The following CCPG1 variants were observed in gnomAD, a reference collection of about 807,000 sequenced individuals.
CCPG1 encodes the protein cell cycle progression protein 1.
Under a neutral mutation model 81.3 loss-of-function variants are expected in CCPG1, and 46 were observed. The observed-to-expected ratio is 0.57, with a 90% confidence interval of 0.45 to 0.72. The LOEUF (loss-of-function observed/expected upper bound fraction) is 0.72. Ranked by LOEUF, CCPG1 falls within the 30% of genes least tolerant of loss-of-function variation. The pLI is 0.00. For missense variants in CCPG1, 902 were observed against 937.6 expected (o/e 0.96, Z 0.50); for synonymous variants, 330 against 305.2 (o/e 1.08, Z -0.85).
chr15:55,372,481 C>T (rs574499977), intron 5 of CCPG1: 6 of 193,434 alleles, frequency 3.1e-5, no homozygotes, highest in South Asian at 9.1e-5. Flanking sequence ...GCCAACATGG[C>T]GAAACCCCTT....
At chr15:55,374,084 C>G in intron 5 of CCPG1, 7 of 852,938 alleles carry the variant, frequency 8.2e-6, no homozygotes, top group Non-Finnish European at 1.2e-5. Context: ...ATCTTTAAAG[C>G]ACTCGGTAAA....
intron 1 of CCPG1, among the ~76,000 whole-genome samples, chr15:55,407,554 T>A (rs1255291279): frequency 6.6e-6 from 1 of 152,130 alleles, no homozygotes; most frequent in African/African-American, 2.4e-5. Context: ...CTCAATAAAA[T>A]ACCTTACTTG....
intron 2 of CCPG1, among the ~76,000 whole-genome samples, chr15:55,388,563 T>C (rs899759399): frequency 6.6e-6 from 1 of 151,780 alleles, no homozygotes; most frequent in Non-Finnish European, 1.5e-5. Flanking sequence ...TTCTCAACTA[T>C]AAAATAAGAA....
chr15:55,363,020 A>ACAGAGCGAGGC, intron 7 of CCPG1, among the ~76,000 whole-genome samples: 2 of 152,000 alleles, frequency 1.3e-5, no homozygotes, highest in Non-Finnish European at 1.5e-5. Context: ...AGCCTGGGCA[A>ACAGAGCGAGGC]TAAGAATGAA....
At chr15:55,389,232 A>G (rs752425893) in intron 2 of CCPG1, 133 bp downstream of exon 2, 7 of 647,746 alleles carry the variant, frequency 1.1e-5, no homozygotes, top group South Asian at 7.8e-5. Context: ...GTGAAGTTTA[A>G]TATGAGAGGG....
At chr15:55,391,262 G>A (rs887679863) in intron 1 of CCPG1, among the ~76,000 whole-genome samples, 1 of 152,152 alleles carries the variant, frequency 6.6e-6, no homozygotes, top group South Asian at 2.1e-4. Flanking sequence ...AGATGGGCAT[G>A]TGCCACTATG....
rs922707135 is a variant in CCPG1, at chr15:55,385,640, T to C, written c.135A>G (p.Leu45=). 1.2e-6 allele frequency: 2 copies of C among 1,611,648 alleles called. No homozygotes were observed. ...SCEPAPECSS[L]EQEELQALQI... is the part of the protein sequence containing the mutation. ...GCAATGCTTGAAGCTCCTCTTGCTC[T>C]AAAGATGAACATTCTGGGGCGGGCT... Residue 45 remains leucine, a synonymous_variant, in exon 3 of 9, where the codon TTA becomes TTG. Coordinates refer to ENST00000442196, the MANE Select transcript of CCPG1 (RefSeq NM_001204450.2).
intron 3 of CCPG1, among the ~76,000 whole-genome samples, chr15:55,379,901 C>T (rs1245847714): frequency 6.6e-6 from 1 of 151,830 alleles, no homozygotes; most frequent in African/African-American, 2.4e-5. Context: ...GAGTTTGAGA[C>T]CAGCCTGGCT....
chr15:55,361,261 G>A (rs1157672673), intron 7 of CCPG1, among the ~76,000 whole-genome samples: 1 of 151,200 alleles, frequency 6.6e-6, no homozygotes, highest in South Asian at 2.1e-4. Context: ...TCTGCCTCTT[G>A]AGTTCAAGCG....
At chr15:55,359,408 T>C (rs2056145254) in intron 8 of CCPG1, 131 bp downstream of exon 8, 3 of 1,435,396 alleles carry the variant, frequency 2.1e-6, no homozygotes, top group Non-Finnish European at 2.7e-6. Flanking sequence ...TTATTCTGAA[T>C]TCTCTCAGTG....
chr15:55,379,071 G>C (rs1446315194), intron 3 of CCPG1, among the ~76,000 whole-genome samples: 1 of 147,308 alleles, frequency 6.8e-6, no homozygotes, highest in Non-Finnish European at 1.5e-5. Context: ...AGTTTCTAAA[G>C]ACCATTCTAA....
intron 5 of CCPG1, chr15:55,372,356 G>A (rs548351214): frequency 3.9e-4 from 119 of 302,586 alleles, no homozygotes; most frequent in African/African-American, 2.3e-3. Context: ...TCCTTCATTC[G>A]CATAGCCTCA....
At chr15:55,361,743 C>T (rs1043076865) in intron 7 of CCPG1, among the ~76,000 whole-genome samples, 1 of 151,756 alleles carries the variant, frequency 6.6e-6, no homozygotes, top group Non-Finnish European at 1.5e-5. Flanking sequence ...AAAATTACAT[C>T]GAGAGCTGAC....
Position 55,360,427 on chromosome 15 carries a change from T to C in CCPG1, c.1346A>G (p.Glu449Gly). ...TFEQQRSDLWERLYVEAKDQN... is the reference protein window; with the variant it reads ...TFEQQRSDLWGRLYVEAKDQN... ...ATCTTTTGCCTCAACATACAATCTT[T>C]CCCACAAATCAGAACGCTGCTGTTC... The change falls in exon 8 of 9, where the codon GAA (glutamate) becomes GGA (glycine). Residue 449 changes from glutamate (E) to glycine (G), a missense_variant. Glu to Gly is a moderately conservative substitution (Grantham distance 98, BLOSUM62 -2). Transcript: ENST00000442196. 1 of 1,613,978 alleles carries C rather than the reference T, an allele frequency of 6.2e-7. No individual in the cohort carries two copies. Among genetic ancestry groups the C allele is most frequent in the Non-Finnish European group, 8.5e-7 (1 of 1,180,044 alleles).
At chr15:55,386,729 C>A (rs2056806865) in intron 2 of CCPG1, among the ~76,000 whole-genome samples, 2 of 145,512 alleles carry the variant, frequency 1.4e-5, no homozygotes, top group Non-Finnish European at 3.0e-5. Context: ...CCCATCTCTA[C>A]TAAAAATACA....
At position 55,363,372 on chromosome 15, in the gene CCPG1, A is replaced by C. The variant is rs920596099; in HGVS notation, c.828+1816T>G. ...TCAGAAAAAAAACAAACAAAACAAAAAAAAAACCCAAACCCAAACCAAACT... is the reference window on the plus strand; with the variant it reads ...TCAGAAAAAAAACAAACAAAACAAACAAAAAACCCAAACCCAAACCAAACT... On this transcript the variant is annotated intron_variant, in intron 7 of 8. Transcript: ENST00000442196. 2.9e-4 allele frequency among the ~76,000 whole-genome samples: 44 copies of C among 150,888 alleles called. 1 individual carries two copies. The highest frequency in any genetic ancestry group is 8.0e-4 in the African/African-American group (33 of 41,294).
At chr15:55,380,347 G>A (rs920308032) in intron 3 of CCPG1, among the ~76,000 whole-genome samples, 3 of 150,800 alleles carry the variant, frequency 2.0e-5, no homozygotes, top group African/African-American at 7.3e-5. Context: ...CCAGGCTGGA[G>A]TGCAGTGGCG....
intron 1 of CCPG1, among the ~76,000 whole-genome samples, chr15:55,397,550 G>A (rs1036191923): frequency 1.4e-4 from 22 of 152,150 alleles, no homozygotes; most frequent in African/African-American, 5.1e-4. Context: ...GATTTCAAAG[G>A]TACAGCAGCC....
At chr15:55,359,372 A>G in intron 8 of CCPG1, 167 bp downstream of exon 8, 4 of 1,391,990 alleles carry the variant, frequency 2.9e-6, no homozygotes, top group East Asian at 2.5e-5. Context: ...GTAACAGCTA[A>G]TAATTTTTAG....
Sources: gnomAD v4.1 joint callset for allele counts (sites outside exome capture counted in the v4.1 genomes callset) on GRCh38, gnomAD v4.1.1 for gene constraint, MANE v1.5 for transcripts, NCBI Gene and HGNC (gene_info 2026-07-23, HGNC 2026-07-21) for gene names.